The following RIMS2 variants were observed in gnomAD, a reference collection of about 807,000 sequenced individuals.
RIMS2 encodes the protein regulating synaptic membrane exocytosis 2.
RIMS2 carries 59 observed loss-of-function variants against 174.4 expected under a neutral mutation model. That is an observed-to-expected ratio of 0.34 (90% CI 0.27 to 0.42). RIMS2 has a LOEUF of 0.42. Ranked by LOEUF, RIMS2 falls within the 10% of genes least tolerant of loss-of-function variation. The pLI is 1.00. For missense variants in RIMS2, 1,620 were observed against 1,666.3 expected, an observed-to-expected ratio of 0.97 and a Z score of 0.48; for synonymous variants, 606 against 572.5, an observed-to-expected ratio of 1.06 and a Z score of -0.84.
intron 3 of RIMS2, among the ~76,000 whole-genome samples, chr8:103,782,516 T>G (rs2098401613): frequency 6.6e-6 from 1 of 151,968 alleles, no homozygotes; most frequent in South Asian, 2.1e-4. Flanking sequence ...GGAAAATTCC[T>G]AGAAGTACAA....
chr8:103,950,898 A>G (rs1461704121), intron 14 of RIMS2, among the ~76,000 whole-genome samples: 1 of 152,220 alleles, frequency 6.6e-6, no homozygotes, highest in East Asian at 1.9e-4. Flanking sequence ...AACTATTATA[A>G]GAAGTGAATC....
At chr8:103,789,229 T>A (rs1384674542) in intron 3 of RIMS2, among the ~76,000 whole-genome samples, 1 of 151,948 alleles carries the variant, frequency 6.6e-6, no homozygotes, top group Non-Finnish European at 1.5e-5. Context: ...AATCACCGTC[T>A]TTTGTGTCGC....
chr8:103,589,632 G>T (rs1308402496), intron 1 of RIMS2, among the ~76,000 whole-genome samples: 1 of 151,510 alleles, frequency 6.6e-6, no homozygotes, highest in Non-Finnish European at 1.5e-5. Context: ...GAACTCCTAT[G>T]TTTGTTGCAG....
intron 19 of RIMS2, among the ~76,000 whole-genome samples, chr8:104,029,147 G>A (rs1380023610): frequency 6.6e-6 from 1 of 152,154 alleles, no homozygotes; most frequent in Non-Finnish European, 1.5e-5. Context: ...GCATGCTAAT[G>A]CATTCTAACT....
chr8:103,974,481 T>G (rs1215962733), intron 15 of RIMS2, among the ~76,000 whole-genome samples: 4 of 152,226 alleles, frequency 2.6e-5, no homozygotes, highest in Non-Finnish European at 5.9e-5. Flanking sequence ...GTTTTAGATA[T>G]CTACAACTTG....
intron 17 of RIMS2, among the ~76,000 whole-genome samples, chr8:104,006,626 T>TTC (rs55665972): frequency 0.083 from 11,420 of 137,864 alleles, 537 homozygotes; most frequent in East Asian, 0.2. Context: ...AGTGATCTAT[T>TTC]TCTCTCTCTC....
At chr8:103,979,148 AT>A (rs559572881) in intron 16 of RIMS2, among the ~76,000 whole-genome samples, 47 of 152,332 alleles carry the variant, frequency 3.1e-4, no homozygotes, top group African/African-American at 1.1e-3. Flanking sequence ...ATATTAGGAA[AT>A]ATTAGGATTG....
intron 1 of RIMS2, among the ~76,000 whole-genome samples, chr8:103,651,917 C>T (rs1426285): frequency 0.99 from 151,131 of 152,258 alleles, 75,005 homozygotes; most frequent in East Asian, 1. Context: ...AAAATAATTA[C>T]TTAAAAATCT....
chr8:103,583,795 G>A (rs946927130), intron 1 of RIMS2, among the ~76,000 whole-genome samples: 1 of 152,080 alleles, frequency 6.6e-6, no homozygotes, highest in African/African-American at 2.4e-5. Context: ...GCCTCAAAAG[G>A]GCAAGTGTAA....
At chr8:104,151,183 G>A (rs1452020488) in intron 19 of RIMS2, among the ~76,000 whole-genome samples, 1 of 152,178 alleles carries the variant, frequency 6.6e-6, no homozygotes, top group Non-Finnish European at 1.5e-5. Context: ...TTGGATATGA[G>A]GAGGTGAAGG....
chr8:104,253,970 A>G (rs1351071511), downstream of RIMS2: 1 of 152,152 alleles, frequency 6.6e-6, no homozygotes, highest in Non-Finnish European at 1.5e-5. Context: ...AACGAATAAA[A>G]CTTTATTAAA....
intron 2 of RIMS2, among the ~76,000 whole-genome samples, chr8:103,763,292 C>T (rs2098131922): frequency 6.6e-6 from 1 of 152,086 alleles, no homozygotes; most frequent in African/African-American, 2.4e-5. Flanking sequence ...CAAAAATTAG[C>T]TGGCGTGGTG....
chr8:103,834,890 C>T (rs1021915866), intron 3 of RIMS2, among the ~76,000 whole-genome samples: 8 of 151,892 alleles, frequency 5.3e-5, no homozygotes, highest in East Asian at 3.9e-4. Flanking sequence ...CTCACCTCAA[C>T]CTCCTGAGTA....
intron 3 of RIMS2, among the ~76,000 whole-genome samples, chr8:103,777,094 G>T (rs929615662): frequency 1.2e-4 from 19 of 152,074 alleles, no homozygotes; most frequent in African/African-American, 4.6e-4. Context: ...TTATGCAACA[G>T]TCATGTGTAT....
chr8:103,710,381 AAT>A lies in RIMS2; in HGVS notation c.387+13087_387+13088del, dbSNP rs560596614. Among the ~76,000 whole-genome samples the A allele has an allele frequency of 3.9e-5, 6 of 152,284 alleles. 1 individual carries two copies. The South Asian group carries it at 1.2e-3, about 32-fold the overall frequency. ...CTTGAGGTACATTTAGGACATAGAA[AAT>A]AAATGAAGGGCAGGACATATGGAAG... is the stretch of plus-strand genomic sequence containing the variant. On this transcript the variant is annotated intron_variant, in intron 2 of 23. Transcript: ENST00000504942.
intron 9 of RIMS2, 99 bp from the exon 13 acceptor site, chr8:103,921,573 C>T: frequency 1.5e-6 from 1 of 648,690 alleles, no homozygotes; most frequent in Non-Finnish European, 2.8e-6. Context: ...ACCTTGTGGA[C>T]ATCAAAAAAA....
intron 1 of RIMS2, among the ~76,000 whole-genome samples, chr8:103,565,470 A>T (rs2092237128): frequency 1.3e-5 from 2 of 151,910 alleles, no homozygotes; most frequent in South Asian, 2.1e-4. Context: ...ACACCTGCTA[A>T]TTTTTGTATT....
intron 17 of RIMS2, among the ~76,000 whole-genome samples, chr8:103,999,340 A>G (rs1266275407): frequency 6.6e-6 from 1 of 151,760 alleles, no homozygotes; most frequent in Non-Finnish European, 1.5e-5. Context: ...GTCTTTCAGC[A>G]AATATGATTG....
intron 1 of RIMS2, among the ~76,000 whole-genome samples, 179 bp from the exon 2 acceptor site, chr8:103,652,026 T>C (rs1010384741): frequency 6.6e-6 from 1 of 152,204 alleles, no homozygotes; most frequent in African/African-American, 2.4e-5. Flanking sequence ...GGACAAATGA[T>C]TCATTTTCTC....
Sources: allele counts gnomAD v4.1 joint callset (sites outside exome capture counted in the v4.1 genomes callset), GRCh38; gene constraint gnomAD v4.1.1; transcripts MANE v1.5; gene names NCBI Gene and HGNC (gene_info 2026-07-23, HGNC 2026-07-21).